The following TNFAIP8 variants were observed in gnomAD, a reference collection of about 807,000 sequenced individuals.
TNFAIP8 encodes TNF alpha induced protein 8, also known as tumor necrosis factor alpha-induced protein 8.
TNFAIP8 carries 7 observed loss-of-function variants against 13.3 expected under a neutral mutation model. The ratio of observed to expected loss-of-function variants is 0.52; its 90% CI spans 0.30 to 0.99. The LOEUF is 0.99. Among genes scored for constraint, TNFAIP8 ranks in the 50% least tolerant of loss-of-function variants. The pLI, the probability that TNFAIP8 is intolerant of heterozygous loss-of-function variation, is 0.07. For missense variants in TNFAIP8, 258 were observed against 236.9 expected (o/e 1.09, Z -0.58); for synonymous variants, 94 against 87.6 (o/e 1.07, Z -0.41).
intron 1 of TNFAIP8, among the ~76,000 whole-genome samples, chr5:119,390,858 GC>G (rs1383252097): frequency 1.5e-4 from 23 of 152,010 alleles, no homozygotes; most frequent in African/African-American, 5.3e-4. Flanking sequence ...TCACTTTGTT[GC>G]CCAGGCTGGA....
At chr5:119,317,138 G>A (rs1003299953) in intron 1 of TNFAIP8, among the ~76,000 whole-genome samples, 3 of 152,148 alleles carry the variant, frequency 2.0e-5, no homozygotes, top group East Asian at 1.9e-4. Flanking sequence ...CCTCTTCTGC[G>A]TCTGCCATCA....
intron 1 of TNFAIP8, among the ~76,000 whole-genome samples, chr5:119,387,211 C>T (rs1379196010): frequency 6.6e-6 from 1 of 152,112 alleles, no homozygotes; most frequent in Non-Finnish European, 1.5e-5. Context: ...TTTGTTCTGG[C>T]CACTTTCTTA....
chr5:119,377,697 C>G (rs2112830533), intron 1 of TNFAIP8, among the ~76,000 whole-genome samples: 1 of 152,320 alleles, frequency 6.6e-6, no homozygotes, highest in Admixed American at 6.5e-5. Context: ...CTTCCCACCA[C>G]TTCACCTTGC....
At chr5:119,363,797 C>T (rs570340533) in intron 1 of TNFAIP8, among the ~76,000 whole-genome samples, 1 of 152,286 alleles carries the variant, frequency 6.6e-6, no homozygotes, top group East Asian at 1.9e-4. Flanking sequence ...GGCTCAGTCC[C>T]ACAAGACTGT....
chr5:119,333,400 C>T lies in TNFAIP8; in HGVS notation c.2-59416C>T. On this transcript the variant is annotated intron_variant, in intron 1 of 1. Coordinates refer to the TNFAIP8 transcript ENST00000274456. ...AACTTTCAAAGTGACTGTAGTTGAC[C>T]AGTGCCTTCTGTGCATTTATGTGGT... 3.0e-6 allele frequency: 4 copies of T among 1,344,784 alleles called. No homozygotes were observed. In the South Asian group the frequency reaches 8.1e-5, roughly 27 times the overall value. 83.3% of individuals were successfully genotyped at this position (1,344,784 alleles called of 1,614,324 possible).
intron 1 of TNFAIP8, among the ~76,000 whole-genome samples, chr5:119,390,409 C>T (rs1474870353): frequency 6.6e-6 from 1 of 152,058 alleles, no homozygotes; most frequent in African/African-American, 2.4e-5. Context: ...TTTCTTTTGA[C>T]ATAAATTCTT....
chr5:119,340,886 G>A (rs139031676), intron 1 of TNFAIP8, among the ~76,000 whole-genome samples: 7 of 152,250 alleles, frequency 4.6e-5, no homozygotes, highest in South Asian at 2.1e-4. Flanking sequence ...TAGAGGGGTC[G>A]TTTCCTTTGC....
intron 1 of TNFAIP8, among the ~76,000 whole-genome samples, chr5:119,377,633 C>T (rs966847473): frequency 6.6e-6 from 1 of 152,122 alleles, no homozygotes; most frequent in Admixed American, 6.5e-5. Context: ...TCAAATGTAG[C>T]TTCCTGAAGT....
rs116256447 is a variant in TNFAIP8 at position 119,269,377 on chromosome 5, C to T, written c.1+470C>T. ...ATCCAACCTTGCATTGTAAAACGGG[C>T]AGAGACCAGAGCCCTGCTTTGAGAT... On this transcript the variant is annotated intron_variant, in intron 1 of 1. Coordinates refer to the TNFAIP8 transcript ENST00000274456. Among the ~76,000 whole-genome samples the T allele has an allele frequency of 6.3e-3, 960 of 152,296 alleles. 12 individuals are homozygous for T. Among genetic ancestry groups the T allele is most frequent in the African/African-American group, 0.022 (901 of 41,566 alleles).
chr5:119,396,981 C>A lies in TNFAIP8; in HGVS notation c.*3600C>A, dbSNP rs537990286. 1.2e-5 allele frequency: 1 copy of A among 85,124 alleles called. No homozygotes were observed. The highest frequency in any genetic ancestry group is 5.3e-5 in the African/African-American group (1 of 18,720). 5.3% of individuals were successfully genotyped at this position (85,124 alleles called of 1,614,324 possible). A position where few individuals can be genotyped will look rare whatever the true frequency, so the allele number is the denominator to read the frequency against. ...TGCACTGCAGCCTGGGCAACAAGAA[C>A]GAAACCCCGTCTCAAAAAAAAAAAA... On this transcript the variant is annotated 3_prime_UTR_variant, in exon 2 of 2. Transcript: ENST00000504771.
intron 1 of TNFAIP8, among the ~76,000 whole-genome samples, chr5:119,375,295 A>C (rs1167286749): frequency 1.3e-5 from 2 of 152,184 alleles, no homozygotes; most frequent in African/African-American, 4.8e-5. Flanking sequence ...GGCTTCTTCT[A>C]TCTCCTAAAA....
chr5:119,345,277 A>C (rs1375122580), intron 1 of TNFAIP8, among the ~76,000 whole-genome samples: 1 of 152,252 alleles, frequency 6.6e-6, no homozygotes, highest in Non-Finnish European at 1.5e-5. Flanking sequence ...AATTTAAAGG[A>C]AAGTTTAAAA....
At position 119,294,110 on chromosome 5, in the gene TNFAIP8, T is replaced by C. The variant is rs113232258; in HGVS notation, c.1+25203T>C. ...GTGCACAGTGTGCAGGTTAGTTACA[T>C]ATGTATACATGTGCCATGCTGGTGC... On this transcript the variant is annotated intron_variant, in intron 1 of 1. Coordinates refer to the TNFAIP8 transcript ENST00000274456. Among the ~76,000 whole-genome samples, 539 of 152,254 alleles carry C rather than the reference T, an allele frequency of 3.5e-3. 2 individuals carry two copies. Among genetic ancestry groups the C allele is most frequent in the African/African-American group, 0.013 (527 of 41,520 alleles).
chr5:119,389,870 T>A (rs1752829210), intron 1 of TNFAIP8, among the ~76,000 whole-genome samples: 1 of 152,246 alleles, frequency 6.6e-6, no homozygotes. Flanking sequence ...CTTCTCTATC[T>A]TGATTCATAC....
chr5:119,313,411 G>C (rs189839900), intron 1 of TNFAIP8, among the ~76,000 whole-genome samples: 4 of 152,312 alleles, frequency 2.6e-5, no homozygotes, highest in Admixed American at 2.6e-4. Context: ...AGGAAGGGGA[G>C]TAGGTTTTGC....
intron 1 of TNFAIP8, among the ~76,000 whole-genome samples, chr5:119,313,655 T>A (rs1364634612): frequency 6.6e-6 from 1 of 152,266 alleles, no homozygotes; most frequent in African/African-American, 2.4e-5. Flanking sequence ...CCTTTAATAA[T>A]TTCATGGAAG....
chr5:119,283,505 T>A (rs1166871396), intron 1 of TNFAIP8, among the ~76,000 whole-genome samples: 2 of 152,174 alleles, frequency 1.3e-5, no homozygotes. Context: ...GGTTCTTCCC[T>A]GATGGATGTG....
chr5:119,324,823 A>G (rs1028907362), intron 1 of TNFAIP8, among the ~76,000 whole-genome samples: 2 of 151,916 alleles, frequency 1.3e-5, no homozygotes, highest in Non-Finnish European at 2.9e-5. Context: ...GTGTGCTTAT[A>G]GTTTTCTCTT....
intron 1 of TNFAIP8, among the ~76,000 whole-genome samples, chr5:119,281,381 T>C (rs146808578): frequency 2.6e-4 from 39 of 151,916 alleles, no homozygotes; most frequent in African/African-American, 8.9e-4. Context: ...TTCATAATGC[T>C]ATTTCCAATT....
Sources: allele counts gnomAD v4.1 joint callset (sites outside exome capture counted in the v4.1 genomes callset), GRCh38; gene constraint gnomAD v4.1.1; transcripts MANE v1.5; gene names NCBI Gene and HGNC (gene_info 2026-07-23, HGNC 2026-07-21).